NAV2: variants seen among roughly 807,000 people sequenced by gnomAD.
NAV2 encodes helicase, APC down-regulated 1.
NAV2 carries 54 observed loss-of-function variants against 223.2 expected under a neutral mutation model. The ratio of observed to expected loss-of-function variants is 0.24; its 90% CI spans 0.19 to 0.30. The LOEUF (loss-of-function observed/expected upper bound fraction) is 0.30, where lower values mean the gene tolerates loss of function less well. Ranked by LOEUF, NAV2 falls within the 10% of genes least tolerant of loss-of-function variation. NAV2 has a pLI of 1.00. For missense variants in NAV2, 2,806 were observed against 3,147.5 expected (o/e 0.89, Z 2.60); for synonymous variants, 1,279 against 1,239.3 (o/e 1.03, Z -0.67).
intron 1 of NAV2, among the ~76,000 whole-genome samples, chr11:19,648,531 A>G (rs1005900384): frequency 2.0e-5 from 3 of 152,172 alleles, no homozygotes; most frequent in Non-Finnish European, 4.4e-5. Context: ...GAAGTGCCCA[A>G]GGGTCATGAG....
rs2050021287 is a variant in NAV2, at chr11:19,713,600, G to C, written c.-96G>C. ...TGGTGGTGGGCGCCTCGTGGGCTAA[G>C]GCCCGGCGCCTGCTCTGCTACCCGC... On this transcript the variant is annotated 5_prime_UTR_variant, in exon 1 of 38. Coordinates refer to ENST00000349880, the MANE Select transcript of NAV2 (RefSeq NM_145117.5). This position sits in a 1 kb window ranked among gnomAD's most constrained non-coding sequence, Gnocchi z 7.2. The C allele has an allele frequency of 6.9e-7, 1 of 1,443,556 alleles. No individual in the cohort carries two copies. Among genetic ancestry groups the C allele is most frequent in the Non-Finnish European group, 9.1e-7 (1 of 1,097,704 alleles). The allele number at this position is 1,443,556 out of a possible 1,614,324, so 89.4% of individuals were successfully genotyped here. A position where few individuals can be genotyped will look rare whatever the true frequency, so the allele number is the denominator to read the frequency against.
intron 10 of NAV2, among the ~76,000 whole-genome samples, chr11:19,982,233 G>T (rs973049884): frequency 6.6e-5 from 9 of 135,474 alleles, no homozygotes; most frequent in African/African-American, 2.6e-4. Flanking sequence ...TTTATTTTTG[G>T]GGTTTTCTTT....
In NAV2 at chr11:19,970,953, GA is replaced by G. The variant is rs896616014; in HGVS notation, c.2646-13171del. 6.2e-4 allele frequency among the ~76,000 whole-genome samples: 95 copies of G among 152,268 alleles called. No homozygotes were observed. The Middle Eastern group carries it at 0.014, about 22-fold the overall frequency. On this transcript the variant is annotated intron_variant, in intron 10 of 37. Coordinates refer to ENST00000349880, the MANE Select transcript of NAV2 (RefSeq NM_145117.5). The stretch of plus-strand genomic sequence containing the variant: ...CTCAATGCTCTGTTGCACTTAAAAT[GA>G]GGTTTTAGAGTTCACACCTTCTCAG...
intron 20 of NAV2, among the ~76,000 whole-genome samples, chr11:20,066,939 G>T (rs1176128777): frequency 6.6e-6 from 1 of 152,162 alleles, no homozygotes; most frequent in African/African-American, 2.4e-5. Context: ...CTCTTTATGA[G>T]CCCCTGTGGG....
chr11:19,467,989 G>A (rs1017809871), intron 1 of NAV2, among the ~76,000 whole-genome samples: 2 of 152,232 alleles, frequency 1.3e-5, no homozygotes, highest in African/African-American at 4.8e-5. Context: ...CCAGTGGGAG[G>A]TGGGCATAAG....
chr11:19,965,974 C>T (rs187467500), intron 10 of NAV2, among the ~76,000 whole-genome samples: 2 of 152,342 alleles, frequency 1.3e-5, no homozygotes, highest in Admixed American at 6.5e-5. Flanking sequence ...GTTAAGATGG[C>T]TGCAGCCTCT....
chr11:19,479,638 G>A (rs1221837009), intron 1 of NAV2, among the ~76,000 whole-genome samples: 1 of 152,098 alleles, frequency 6.6e-6, no homozygotes, highest in Non-Finnish European at 1.5e-5. Flanking sequence ...CTGTTTGTAG[G>A]TCTTTCATAG....
intron 1 of NAV2, among the ~76,000 whole-genome samples, chr11:19,395,570 G>A (rs1849415382): frequency 6.6e-6 from 1 of 152,216 alleles, no homozygotes; most frequent in South Asian, 2.1e-4. Flanking sequence ...TCTGAACCAT[G>A]CAGGCGGCTG....
At chr11:19,414,180 A>G (rs1439417903) in intron 1 of NAV2, among the ~76,000 whole-genome samples, 1 of 152,206 alleles carries the variant, frequency 6.6e-6, no homozygotes, top group Non-Finnish European at 1.5e-5. Context: ...CCCATCTCAC[A>G]TACAAAGAAA....
intron 1 of NAV2, among the ~76,000 whole-genome samples, chr11:19,705,010 CAAAAAAA>C (rs1244386651): frequency 8.4e-5 from 4 of 47,538 alleles, no homozygotes; most frequent in Admixed American, 2.3e-4. Context: ...GACTCCGTCT[CAAAAAAA>C]AAAAAAAAAA....
chr11:20,069,943 C>A (rs549468033), intron 22 of NAV2, among the ~76,000 whole-genome samples: 12 of 152,270 alleles, frequency 7.9e-5, no homozygotes, highest in African/African-American at 2.9e-4. Flanking sequence ...AGCTCAGTAA[C>A]TGGTAGCTGC....
chr11:19,917,902 C>A (rs2043943968), intron 6 of NAV2, among the ~76,000 whole-genome samples: 1 of 152,348 alleles, frequency 6.6e-6, no homozygotes. Flanking sequence ...CAAGCGTGAT[C>A]CACTGCACCT....
chr11:19,424,707 C>T (rs190760633), intron 1 of NAV2, among the ~76,000 whole-genome samples: 73 of 150,838 alleles, frequency 4.8e-4, no homozygotes, highest in African/African-American at 1.8e-3. Flanking sequence ...TGCCACACGT[C>T]TGGCTATTTT....
At chr11:19,468,697 G>A (rs11025146) in intron 1 of NAV2, among the ~76,000 whole-genome samples, 47,767 of 151,986 alleles carry the variant, frequency 0.31, 8,018 homozygotes, top group South Asian at 0.39. Flanking sequence ...CATAACAGGA[G>A]GATTAAATTG....
At chr11:19,609,778 G>T (rs1276146737) in intron 1 of NAV2, among the ~76,000 whole-genome samples, 1 of 152,152 alleles carries the variant, frequency 6.6e-6, no homozygotes, top group Non-Finnish European at 1.5e-5. Context: ...TGTTCTCAAA[G>T]GTTCTACTCT....
At chr11:20,095,813 C>A in intron 30 of NAV2, 46 bp downstream of exon 30, 1 of 1,400,228 alleles carries the variant, frequency 7.1e-7, no homozygotes, top group Non-Finnish European at 1.0e-6. Flanking sequence ...CTAACATGGG[C>A]ATCCGGGCCT....
intron 1 of NAV2, among the ~76,000 whole-genome samples, chr11:19,582,632 C>T (rs939277089): frequency 1.3e-5 from 2 of 152,154 alleles, no homozygotes; most frequent in African/African-American, 4.8e-5. Flanking sequence ...AATCCTTTTG[C>T]CATTTCTAGT....
intron 1 of NAV2, among the ~76,000 whole-genome samples, chr11:19,381,728 G>A (rs573873403): frequency 8.5e-5 from 13 of 152,292 alleles, no homozygotes; most frequent in South Asian, 6.2e-4. Flanking sequence ...GAGAAATAAC[G>A]TCAGGGCAAA....
At chr11:19,737,945 G>C (rs1335208703) in intron 1 of NAV2, among the ~76,000 whole-genome samples, 1 of 152,234 alleles carries the variant, frequency 6.6e-6, no homozygotes, top group Non-Finnish European at 1.5e-5. Context: ...TACTGTCTCA[G>C]CAGCTCTTAG....
Sources: allele counts gnomAD v4.1 joint callset (sites outside exome capture counted in the v4.1 genomes callset), GRCh38; gene constraint gnomAD v4.1.1; non-coding constraint Gnocchi (gnomAD v3.1); transcripts MANE v1.5; gene names NCBI Gene and HGNC (gene_info 2026-07-23, HGNC 2026-07-21).